The following TRHDE variants were observed in gnomAD, a reference collection of about 807,000 sequenced individuals.
The protein encoded by TRHDE is thyrotropin-releasing hormone-degrading ectoenzyme.
In TRHDE, 72 loss-of-function variants were observed where a neutral mutation model predicts 125.7. The observed-to-expected ratio is 0.57, with a 90% CI of 0.47 to 0.70. The LOEUF (loss-of-function observed/expected upper bound fraction) is 0.70, where lower values mean the gene tolerates loss of function less well. TRHDE is among the 30% of genes least tolerant of loss of function. The pLI is 0.00. For synonymous variants in TRHDE, 509 were observed against 509.1 expected, an observed-to-expected ratio of 1.00 and a Z score of 0.00; for missense variants, 1,110 against 1,327.1, an observed-to-expected ratio of 0.84 and a Z score of 2.54.
intron 2 of TRHDE, among the ~76,000 whole-genome samples, chr12:72,210,135 A>G (rs1316690509): frequency 6.6e-6 from 1 of 152,042 alleles, no homozygotes; most frequent in African/African-American, 2.4e-5. Flanking sequence ...GCTTTGTAAT[A>G]TCTAGAACCA....
At chr12:72,458,434 T>A (rs1193328028) in intron 3 of TRHDE, among the ~76,000 whole-genome samples, 1 of 152,128 alleles carries the variant, frequency 6.6e-6, no homozygotes, top group East Asian at 1.9e-4. Flanking sequence ...CCCACCCCAG[T>A]TGCCTTCGTC....
intron 3 of TRHDE, among the ~76,000 whole-genome samples, chr12:72,391,364 G>A (rs538066203): frequency 7.9e-5 from 12 of 152,282 alleles, no homozygotes; most frequent in Admixed American, 2.0e-4. Flanking sequence ...TATGGTAGTC[G>A]TAAATGAAGC....
At chr12:72,540,946 G>T (rs773791062) in intron 6 of TRHDE, among the ~76,000 whole-genome samples, 2 of 151,538 alleles carry the variant, frequency 1.3e-5, no homozygotes, top group Non-Finnish European at 3.0e-5. Flanking sequence ...GAAATTTTTT[G>T]ATACACATCT....
chr12:72,245,243 A>ATATGTG (rs1878553952), intron 2 of TRHDE, among the ~76,000 whole-genome samples: 2 of 147,326 alleles, frequency 1.4e-5, no homozygotes, highest in African/African-American at 5.0e-5. Flanking sequence ...GTTTGTGTGT[A>ATATGTG]TGTGTGTGTG....
chr12:72,571,749 A>G (rs2136023034), intron 10 of TRHDE, among the ~76,000 whole-genome samples: 1 of 152,260 alleles, frequency 6.6e-6, no homozygotes, highest in Non-Finnish European at 1.5e-5. Flanking sequence ...TTGATCCTGA[A>G]AATTAAAGCA....
intron 2 of TRHDE, chr12:72,262,445 T>C (rs1878971844): frequency 6.6e-6 from 1 of 152,196 alleles, no homozygotes; most frequent in African/African-American, 2.4e-5. Context: ...ATTAAATGTT[T>C]GGATGATTAT....
intron 2 of TRHDE, chr12:72,162,977 T>G (rs1271777337): frequency 2.6e-5 from 4 of 151,566 alleles, no homozygotes; most frequent in African/African-American, 9.7e-5. Context: ...AATTCTTAGC[T>G]CTAGGAACTG....
chr12:72,138,372 A>C (rs925159059), intron 2 of TRHDE, among the ~76,000 whole-genome samples: 1 of 151,198 alleles, frequency 6.6e-6, no homozygotes, highest in Non-Finnish European at 1.5e-5. Flanking sequence ...ACTCCGTTTC[A>C]AAAAAAAACC....
intron 3 of TRHDE, among the ~76,000 whole-genome samples, chr12:72,435,362 T>A (rs920706145): frequency 6.6e-6 from 1 of 152,148 alleles, no homozygotes; most frequent in African/African-American, 2.4e-5. Context: ...TCTTTTGATG[T>A]CAGTTCATTG....
chr12:72,166,732 T>C (rs1876758080), intron 2 of TRHDE, among the ~76,000 whole-genome samples: 2 of 152,194 alleles, frequency 1.3e-5, no homozygotes, highest in East Asian at 1.9e-4. Context: ...ATAAAGATGA[T>C]TTCTCAAGAC....
At chr12:72,136,964 A>G (rs1175536056) in intron 2 of TRHDE, among the ~76,000 whole-genome samples, 1 of 152,194 alleles carries the variant, frequency 6.6e-6, no homozygotes, top group African/African-American at 2.4e-5. Flanking sequence ...TGGTCTCTGC[A>G]ACAGGTTTCT....
chr12:72,123,818 T>C (rs1412548305), intron 2 of TRHDE, among the ~76,000 whole-genome samples: 3 of 152,186 alleles, frequency 2.0e-5, no homozygotes, highest in African/African-American at 7.2e-5. Flanking sequence ...GGTTTTATCA[T>C]GCCTCATTAC....
intron 2 of TRHDE, among the ~76,000 whole-genome samples, chr12:72,131,308 G>A (rs1875859648): frequency 1.3e-5 from 2 of 151,854 alleles, no homozygotes; most frequent in Admixed American, 6.6e-5. Flanking sequence ...TCCTGACCTT[G>A]TGATCCGCCC....
Position 72,136,796 on chromosome 12 carries a change from CAT to C in TRHDE, n.279+31047_279+31048del, listed in dbSNP as rs945917952. Among the ~76,000 whole-genome samples, 5 of 152,108 alleles carry C rather than the reference CAT, an allele frequency of 3.3e-5. 1 individual carries two copies. The highest frequency in any genetic ancestry group is 4.2e-4 in the South Asian group (2 of 4,818). The stretch of plus-strand genomic sequence containing the variant: ...GTTCCCAGCACCTGTTTTTTTATGG[CAT>C]ATGTTTTTTATGGCATATGACCATG... On this transcript the variant is annotated intron_variant and non_coding_transcript_variant, in intron 2 of 4. Coordinates refer to the TRHDE transcript ENST00000548156.
Position 72,663,288 on chromosome 12 carries a change from G to A in TRHDE, c.*93G>A, listed in dbSNP as rs1874990891. ...AGGAAAATGTACTACCTAGAAAATGGCCAGATTTTCAGTGTTAACGTGTGG... is the reference window on the plus strand; with the variant it reads ...AGGAAAATGTACTACCTAGAAAATGACCAGATTTTCAGTGTTAACGTGTGG... On this transcript the variant is annotated 3_prime_UTR_variant, in exon 19 of 19. Coordinates refer to ENST00000261180, the MANE Select transcript of TRHDE (RefSeq NM_013381.3). 7 of 1,084,248 alleles carry A rather than the reference G, an allele frequency of 6.5e-6. No individual in the cohort carries two copies. The East Asian group carries it at 1.5e-4, about 23-fold the overall frequency. The allele number at this position is 1,084,248 out of a possible 1,614,324, so 67.2% of individuals were successfully genotyped here.
At chr12:72,316,085 A>G (rs1293773017) in intron 2 of TRHDE, among the ~76,000 whole-genome samples, 3 of 152,186 alleles carry the variant, frequency 2.0e-5, no homozygotes, top group African/African-American at 7.2e-5. Flanking sequence ...GGATGTGGCC[A>G]AAGGGGTAGC....
At chr12:72,454,064 CTTTTGAAGTAGTATACT>C (rs1316544847) in intron 3 of TRHDE, among the ~76,000 whole-genome samples, 4 of 152,110 alleles carry the variant, frequency 2.6e-5, no homozygotes, top group Middle Eastern at 6.3e-3. Context: ...AATTTATCTA[CTTTTGAAGTAGTATACT>C]TATGATTTTC....
At chr12:72,299,457 C>T (rs1426079355) in intron 2 of TRHDE, among the ~76,000 whole-genome samples, 2 of 152,170 alleles carry the variant, frequency 1.3e-5, no homozygotes, top group East Asian at 3.9e-4. Flanking sequence ...CAATCACTAC[C>T]CATATGTGCT....
chr12:72,330,338 AAAAAACC>A (rs1869535191), intron 2 of TRHDE, among the ~76,000 whole-genome samples: 1 of 151,928 alleles, frequency 6.6e-6, no homozygotes, highest in East Asian at 1.9e-4. Context: ...AGTAAAAAAA[AAAAAACC>A]AAAACCATAG....
Sources: gnomAD v4.1 joint callset for allele counts (sites outside exome capture counted in the v4.1 genomes callset) on GRCh38, gnomAD v4.1.1 for gene constraint, MANE v1.5 for transcripts, NCBI Gene and HGNC (gene_info 2026-07-23, HGNC 2026-07-21) for gene names.